The following PLXNA4 variants were observed in gnomAD, a reference collection of about 807,000 sequenced individuals.
PLXNA4 encodes plexin A4.
Under a neutral mutation model 191.8 loss-of-function variants are expected in PLXNA4, and 44 were observed. The observed-to-expected ratio is 0.23, with a 90% confidence interval of 0.18 to 0.29. The LOEUF (loss-of-function observed/expected upper bound fraction) is 0.29, where lower values mean the gene tolerates loss of function less well. PLXNA4 is among the 10% of genes least tolerant of loss of function. The pLI is 1.00. For synonymous variants in PLXNA4, 1,082 were observed against 1,009.5 expected (o/e 1.07, Z -1.36); for missense variants, 1,800 against 2,488.8 (o/e 0.72, Z 5.89).
At chr7:132,348,420 T>C (rs1015192850) in intron 3 of PLXNA4, among the ~76,000 whole-genome samples, 8 of 152,296 alleles carry the variant, frequency 5.3e-5, no homozygotes, top group African/African-American at 1.4e-4. Context: ...ATCCAACAGT[T>C]TGTGAGTGAA....
intron 4 of PLXNA4, among the ~76,000 whole-genome samples, chr7:132,242,688 T>G (rs1175734368): frequency 6.6e-6 from 1 of 152,182 alleles, no homozygotes; most frequent in Non-Finnish European, 1.5e-5. Context: ...TGGTGGCCCT[T>G]CCTCCACCTT....
chr7:132,429,289 G>A (rs1036559467), intron 3 of PLXNA4, among the ~76,000 whole-genome samples: 2 of 152,142 alleles, frequency 1.3e-5, no homozygotes, highest in African/African-American at 4.8e-5. Flanking sequence ...CAATTCACTG[G>A]TCCCACCCAC....
At chr7:132,525,571 C>T (rs1225027481) in intron 1 of PLXNA4, among the ~76,000 whole-genome samples, 2 of 152,132 alleles carry the variant, frequency 1.3e-5, no homozygotes, top group East Asian at 3.8e-4. Context: ...GTGGGGGGCA[C>T]CAGAAACTTC....
intron 4 of PLXNA4, among the ~76,000 whole-genome samples, chr7:132,279,454 C>T (rs1233749880): frequency 6.6e-6 from 1 of 152,016 alleles, no homozygotes; most frequent in African/African-American, 2.4e-5. Context: ...CATAGTGAGA[C>T]CCTATTTCTA....
At chr7:132,626,804 C>T (rs1456678528) in intron 2 of PLXNA4, among the ~76,000 whole-genome samples, 1 of 152,188 alleles carries the variant, frequency 6.6e-6, no homozygotes, top group Non-Finnish European at 1.5e-5. Flanking sequence ...AACTGTCTCA[C>T]TCAAGGTGCA....
chr7:132,172,526 T>C (rs1221364063), intron 21 of PLXNA4, among the ~76,000 whole-genome samples: 1 of 152,062 alleles, frequency 6.6e-6, no homozygotes, highest in Non-Finnish European at 1.5e-5. Context: ...ATCAATGGCT[T>C]GTTTCCATAC....
chr7:132,205,009 A>G (rs1261836490), intron 10 of PLXNA4, among the ~76,000 whole-genome samples: 2 of 152,132 alleles, frequency 1.3e-5, no homozygotes, highest in Non-Finnish European at 2.9e-5. Flanking sequence ...ACAACGGAGG[A>G]GTTTGCAACG....
At chr7:132,186,274 C>T (rs1796875651) in intron 15 of PLXNA4, among the ~76,000 whole-genome samples, 1 of 152,214 alleles carries the variant, frequency 6.6e-6, no homozygotes, top group Admixed American at 6.5e-5. Context: ...GCAAGGTCAC[C>T]TGGCCTTGTA....
At chr7:132,353,064 T>C (rs1157419108) in intron 3 of PLXNA4, among the ~76,000 whole-genome samples, 2 of 152,268 alleles carry the variant, frequency 1.3e-5, no homozygotes, top group African/African-American at 2.4e-5. Flanking sequence ...AAGATGTTTC[T>C]TGGCTATACT....
At chr7:132,341,009 A>G (rs1220613627) in intron 3 of PLXNA4, among the ~76,000 whole-genome samples, 1 of 152,108 alleles carries the variant, frequency 6.6e-6, no homozygotes, top group African/African-American at 2.4e-5. Flanking sequence ...ATCCTGCAGA[A>G]CCCATAGCAG....
At chr7:132,516,350 A>T (rs1165665059) in intron 1 of PLXNA4, among the ~76,000 whole-genome samples, 1 of 152,166 alleles carries the variant, frequency 6.6e-6, no homozygotes, top group Non-Finnish European at 1.5e-5. Context: ...TATATGATTT[A>T]CATGGAGACC....
At chr7:132,488,156 TCC>T (rs1004159113) in intron 3 of PLXNA4, among the ~76,000 whole-genome samples, 1 of 152,128 alleles carries the variant, frequency 6.6e-6, no homozygotes, top group African/African-American at 2.4e-5. Context: ...ACACACAAGT[TCC>T]CAAGTCACAA....
At chr7:132,485,515 C>A (rs1236792274) in intron 3 of PLXNA4, among the ~76,000 whole-genome samples, 1 of 152,188 alleles carries the variant, frequency 6.6e-6, no homozygotes, top group Admixed American at 6.5e-5. Flanking sequence ...AAGATTCCAG[C>A]AGAAATATTC....
chr7:132,630,115 G>C (rs188689298), intron 2 of PLXNA4, among the ~76,000 whole-genome samples: 21 of 152,258 alleles, frequency 1.4e-4, no homozygotes, highest in Middle Eastern at 3.4e-3. Flanking sequence ...CTCCCAAAGT[G>C]CTGGGATTAC....
intron 14 of PLXNA4, among the ~76,000 whole-genome samples, chr7:132,187,859 T>C (rs368223910): frequency 6.5e-4 from 99 of 152,284 alleles, no homozygotes; most frequent in African/African-American, 2.2e-3. Flanking sequence ...AAGTGTCAGA[T>C]TGTACATCTT....
chr7:132,540,969 G>C (rs1399149519), intron 1 of PLXNA4, among the ~76,000 whole-genome samples: 1 of 152,114 alleles, frequency 6.6e-6, no homozygotes, highest in African/African-American at 2.4e-5. Flanking sequence ...GGAGAATGTT[G>C]GTACTGTTCA....
intron 3 of PLXNA4, among the ~76,000 whole-genome samples, chr7:132,482,672 G>A (rs1719022260): frequency 6.7e-6 from 1 of 150,076 alleles, no homozygotes; most frequent in Non-Finnish European, 1.5e-5. Context: ...AAGGTATGGA[G>A]TGAGTGTGGG....
chr7:132,561,745 T>C (rs867977277), intron 1 of PLXNA4, among the ~76,000 whole-genome samples: 265 of 61,800 alleles, frequency 4.3e-3, no homozygotes, highest in Middle Eastern at 0.02. Context: ...TCCTCCTCCT[T>C]CTTCTCCTCC....
intron 1 of PLXNA4, among the ~76,000 whole-genome samples, chr7:132,530,037 T>C (rs1585283258): frequency 6.6e-6 from 1 of 152,228 alleles, no homozygotes; most frequent in African/African-American, 2.4e-5. Flanking sequence ...CCAGGGCCCT[T>C]GGGGTCTGAT....
Sources: allele counts gnomAD v4.1 joint callset (sites outside exome capture counted in the v4.1 genomes callset), GRCh38; gene constraint gnomAD v4.1.1; transcripts MANE v1.5; gene names NCBI Gene and HGNC (gene_info 2026-07-23, HGNC 2026-07-21).